The following RASGRF2 variants were observed in gnomAD, a reference collection of about 807,000 sequenced individuals.
RASGRF2 encodes ras-specific guanine nucleotide-releasing factor 2.
RASGRF2 carries 76 observed loss-of-function variants against 151.0 expected under a neutral mutation model. The observed-to-expected ratio is 0.50, with a 90% CI of 0.42 to 0.61. The LOEUF (loss-of-function observed/expected upper bound fraction) is 0.61, where lower values mean the gene tolerates loss of function less well. Ranked by LOEUF, RASGRF2 falls within the 20% of genes least tolerant of loss-of-function variation. The probability of loss-of-function intolerance (pLI) is 0.00; values close to 1 mark genes in which losing one functional copy is unlikely to be tolerated. For synonymous variants in RASGRF2, 504 were observed against 566.5 expected (o/e 0.89, Z 1.57); for missense variants, 1,148 against 1,564.6 (o/e 0.73, Z 4.49).
intron 26 of RASGRF2, among the ~76,000 whole-genome samples, chr5:81,221,969 C>T (rs1399958368): frequency 6.6e-6 from 1 of 152,194 alleles, no homozygotes; most frequent in African/African-American, 2.4e-5. Flanking sequence ...CCAGCCTGGG[C>T]AACAGAGCAA....
At chr5:81,057,667 A>G (rs1751269321) in intron 2 of RASGRF2, among the ~76,000 whole-genome samples, 1 of 152,134 alleles carries the variant, frequency 6.6e-6, no homozygotes, top group African/African-American at 2.4e-5. Flanking sequence ...ATCAGCTTAA[A>G]CATTTATTAT....
chr5:80,967,473 A>G (rs1168602022), intron 1 of RASGRF2, among the ~76,000 whole-genome samples: 1 of 152,208 alleles, frequency 6.6e-6, no homozygotes, highest in African/African-American at 2.4e-5. Context: ...TCAGGTCACA[A>G]TATCTGTTTT....
intron 15 of RASGRF2, among the ~76,000 whole-genome samples, chr5:81,120,179 C>A (rs1221270986): frequency 2.0e-5 from 3 of 152,180 alleles, no homozygotes; most frequent in African/African-American, 7.2e-5. Flanking sequence ...TTTTCCCTTT[C>A]TATAGCTGTC....
At chr5:81,039,753 A>C (rs1180061365) in intron 1 of RASGRF2, among the ~76,000 whole-genome samples, 1 of 151,454 alleles carries the variant, frequency 6.6e-6, no homozygotes, top group African/African-American at 2.4e-5. Flanking sequence ...AAACCACATG[A>C]TTATATTTAT....
intron 23 of RASGRF2, 41 bp downstream of exon 23, chr5:81,212,604 G>T: frequency 1.3e-6 from 2 of 1,505,726 alleles, no homozygotes; most frequent in South Asian, 2.5e-5. Context: ...CTAAGAGGAG[G>T]AGAGGCTGGG....
chr5:81,224,531 C>T (rs989293931), intron 26 of RASGRF2, among the ~76,000 whole-genome samples: 1 of 152,216 alleles, frequency 6.6e-6, no homozygotes, highest in African/African-American at 2.4e-5. Context: ...CAATTTCTCT[C>T]TTAGGTGTTT....
At chr5:81,016,921 A>C (rs1304182159) in intron 1 of RASGRF2, among the ~76,000 whole-genome samples, 4 of 152,184 alleles carry the variant, frequency 2.6e-5, no homozygotes, top group Non-Finnish European at 5.9e-5. Flanking sequence ...CAATATGACT[A>C]TTAAACATCC....
chr5:80,981,124 T>C (rs775126728), intron 1 of RASGRF2, among the ~76,000 whole-genome samples: 23 of 152,252 alleles, frequency 1.5e-4, no homozygotes, highest in Non-Finnish European at 2.8e-4. Flanking sequence ...TACTTGTTTA[T>C]AGTCACTGTT....
intron 1 of RASGRF2, among the ~76,000 whole-genome samples, chr5:81,006,363 C>A (rs191313528): frequency 4.4e-4 from 67 of 152,230 alleles, no homozygotes; most frequent in Middle Eastern, 6.8e-3. Flanking sequence ...GGTTGAAGGA[C>A]CTTTGAAAGT....
chr5:80,969,483 C>G (rs1228069785), intron 1 of RASGRF2, among the ~76,000 whole-genome samples: 4 of 148,422 alleles, frequency 2.7e-5, no homozygotes, highest in African/African-American at 1.0e-4. Flanking sequence ...GAGTCTCACT[C>G]TGTCACCCAC....
chr5:81,070,741 C>T (rs551424099), intron 4 of RASGRF2, among the ~76,000 whole-genome samples, 160 bp downstream of exon 4: 1 of 152,086 alleles, frequency 6.6e-6, no homozygotes, highest in South Asian at 2.1e-4. Context: ...CATGGCTACT[C>T]TAGAGAATTT....
chr5:81,064,159 T>C (rs934522116), intron 2 of RASGRF2, among the ~76,000 whole-genome samples: 1 of 152,238 alleles, frequency 6.6e-6, no homozygotes, highest in Non-Finnish European at 1.5e-5. Flanking sequence ...AAGGATCCAC[T>C]TCCAAGTTCA....
At chr5:81,012,863 G>A (rs959941141) in intron 1 of RASGRF2, among the ~76,000 whole-genome samples, 3 of 152,094 alleles carry the variant, frequency 2.0e-5, no homozygotes, top group Non-Finnish European at 4.4e-5. Flanking sequence ...TGACAAGGTC[G>A]TGCACCTGGT....
At chr5:81,154,973 A>G (rs957569917) in intron 17 of RASGRF2, among the ~76,000 whole-genome samples, 7 of 152,172 alleles carry the variant, frequency 4.6e-5, no homozygotes, top group African/African-American at 1.7e-4. Context: ...GATAATAGCC[A>G]TTCTAACTGG....
intron 13 of RASGRF2, 50 bp downstream of exon 13, chr5:81,109,128 G>A (rs371369851): frequency 4.6e-5 from 72 of 1,575,848 alleles, no homozygotes; most frequent in African/African-American, 1.9e-4. Context: ...TTAAATTGGC[G>A]GAACATGTAA....
intron 1 of RASGRF2, among the ~76,000 whole-genome samples, chr5:80,971,456 A>G (rs1290540958): frequency 1.3e-5 from 2 of 152,022 alleles, no homozygotes; most frequent in Non-Finnish European, 1.5e-5. Context: ...CTGGAGTGCA[A>G]TAATGTGATC....
At chr5:81,044,520 T>C (rs1300591849) in intron 2 of RASGRF2, among the ~76,000 whole-genome samples, 2 of 152,108 alleles carry the variant, frequency 1.3e-5, no homozygotes, top group Non-Finnish European at 2.9e-5. Context: ...CCTTCCCTCG[T>C]CTCACCTCTA....
intron 18 of RASGRF2, among the ~76,000 whole-genome samples, chr5:81,184,599 G>C (rs1369323689): frequency 6.6e-6 from 1 of 152,124 alleles, no homozygotes. Flanking sequence ...TCAGGCTCTG[G>C]GTACTGTCTG....
chr5:80,994,151 G>T (rs893332096), intron 1 of RASGRF2, among the ~76,000 whole-genome samples: 28 of 151,998 alleles, frequency 1.8e-4, no homozygotes, highest in Non-Finnish European at 8.8e-5. Context: ...GGATCACGAG[G>T]TCAGGAGATC....
Sources: allele counts gnomAD v4.1 joint callset (sites outside exome capture counted in the v4.1 genomes callset), GRCh38; gene constraint gnomAD v4.1.1; transcripts MANE v1.5; gene names NCBI Gene and HGNC (gene_info 2026-07-23, HGNC 2026-07-21).